Variants in SARNP observed in about 807,000 individuals in gnomAD.
SARNP encodes the protein SAP domain-containing ribonucleoprotein.
Under a neutral mutation model 38.1 loss-of-function variants are expected in SARNP, and 5 were observed. The ratio of observed to expected loss-of-function variants is 0.13; its 90% CI spans 0.07 to 0.28. SARNP has a LOEUF of 0.28. Among genes scored for constraint, SARNP ranks in the 10% least tolerant of loss-of-function variants. The probability of loss-of-function intolerance (pLI) is 1.00; values close to 1 mark genes in which losing one functional copy is unlikely to be tolerated. For missense variants in SARNP, 180 were observed against 243.9 expected (o/e 0.74, Z 1.75); for synonymous variants, 84 against 80.6 (o/e 1.04, Z -0.23).
At chr12:55,780,174 C>T (rs888023795) in intron 9 of SARNP, among the ~76,000 whole-genome samples, 6 of 151,280 alleles carry the variant, frequency 4.0e-5, no homozygotes, top group South Asian at 2.1e-4. Flanking sequence ...TAAATAAGGC[C>T]GGGCACAGTG....
intron 9 of SARNP, chr12:55,760,875 AG>A: frequency 2.3e-6 from 1 of 437,350 alleles, no homozygotes; most frequent in Non-Finnish European, 4.0e-6. Flanking sequence ...TAAGACAAGT[AG>A]GGTAAAGAAA....
Position 55,801,826 on chromosome 12 carries a change from C to G in SARNP, c.137-926G>C, listed in dbSNP as rs144857619. Among the ~76,000 whole-genome samples, 543 of 152,214 alleles carry G rather than the reference C, an allele frequency of 3.6e-3. 5 individuals carry two copies. Among genetic ancestry groups the G allele is most frequent in the African/African-American group, 0.013 (525 of 41,532 alleles). On this transcript the variant is annotated intron_variant, in intron 2 of 10. Coordinates refer to ENST00000336133, the MANE Select transcript of SARNP (RefSeq NM_033082.4). ...AGAGATGGGATCTCACTATGCTGCC[C>G]AGACTGGTCTCAAACTCCGGGCCTC...
intron 9 of SARNP, among the ~76,000 whole-genome samples, chr12:55,782,098 A>C (rs1170168042): frequency 6.6e-6 from 1 of 152,200 alleles, no homozygotes; most frequent in South Asian, 2.1e-4. Context: ...AGTATCCTTC[A>C]AGGTTTACTG....
chr12:55,770,394 G>GTTT (rs1157595075), intron 9 of SARNP, among the ~76,000 whole-genome samples: 3 of 133,304 alleles, frequency 2.3e-5, no homozygotes, highest in African/African-American at 8.3e-5. Context: ...GCCCAGCTAG[G>GTTT]TTTTTTTTTT....
chr12:55,810,238 G>A (rs1592583741), intron 1 of SARNP, among the ~76,000 whole-genome samples: 2 of 151,862 alleles, frequency 1.3e-5, no homozygotes, highest in Non-Finnish European at 1.5e-5. Flanking sequence ...TCAGCCTCCT[G>A]TATAGCTGGG....
intron 9 of SARNP, among the ~76,000 whole-genome samples, chr12:55,774,565 AAAAAAAAAACAAACAAAAAAAAAAAAAC>A (rs1879109530): frequency 1.1e-5 from 1 of 89,122 alleles, no homozygotes; most frequent in African/African-American, 5.8e-5. Context: ...TACTGAAAAA[AAAAAAAAAACAAACAAAAAAAAAAAAAC>A]AAAAATTAGC....
At chr12:55,787,769 G>C (rs556576311) in intron 9 of SARNP, among the ~76,000 whole-genome samples, 1 of 146,058 alleles carries the variant, frequency 6.8e-6, no homozygotes, top group Non-Finnish European at 1.5e-5. Context: ...TTTTTCTTGA[G>C]ACGGAGTCTC....
intron 9 of SARNP, among the ~76,000 whole-genome samples, chr12:55,772,267 C>G (rs1879030112): frequency 6.6e-6 from 1 of 152,160 alleles, no homozygotes. Context: ...TCTCAATAAT[C>G]TCTTTCAAGT....
chr12:55,780,331 G>A (rs1466104109), intron 9 of SARNP, among the ~76,000 whole-genome samples: 2 of 151,990 alleles, frequency 1.3e-5, no homozygotes, highest in African/African-American at 2.4e-5. Context: ...GCACATGCCC[G>A]TAATCCCAGC....
chr12:55,798,532 T>C (rs1358223892), intron 4 of SARNP, among the ~76,000 whole-genome samples: 1 of 152,066 alleles, frequency 6.6e-6, no homozygotes, highest in Non-Finnish European at 1.5e-5. Flanking sequence ...TTGACAAAAA[T>C]CTATCAAGAT....
chr12:55,761,619 G>C (rs1878677725), intron 9 of SARNP: 1 of 152,158 alleles, frequency 6.6e-6, no homozygotes, highest in Admixed American at 6.5e-5. Context: ...CATTATTCTA[G>C]GTGTTTTGTA....
rs530188213 is a variant in SARNP at position 55,798,795 on chromosome 12, A to G, written c.251+1767T>C. 1.1e-4 allele frequency among the ~76,000 whole-genome samples: 17 copies of G among 152,340 alleles called. No homozygotes were observed. The South Asian group carries it at 1.7e-3, about 15-fold the overall frequency. On this transcript the variant is annotated intron_variant, in intron 4 of 10. Coordinates refer to ENST00000336133, the MANE Select transcript of SARNP (RefSeq NM_033082.4). ...TAAATCTGGGTGATAGGTAGATGAG[A>G]GTCTATTACACTAGTCGAACTTTTG...
At chr12:55,768,199 C>T (rs1416160168) in intron 9 of SARNP, among the ~76,000 whole-genome samples, 1 of 152,170 alleles carries the variant, frequency 6.6e-6, no homozygotes, top group Non-Finnish European at 1.5e-5. Flanking sequence ...GACATCGGCT[C>T]ACTGCAACCT....
In SARNP at chr12:55,803,345, A is replaced by G. The variant is rs181928545; in HGVS notation, c.136+284T>C. Reference sequence around the variant, plus strand: ...CTAAAAATACAAAAATCAGCCAGGCATGGTGGTGCTCGCCTGTAGTCCCAG... The same window carrying G: ...CTAAAAATACAAAAATCAGCCAGGCGTGGTGGTGCTCGCCTGTAGTCCCAG... On this transcript the variant is annotated intron_variant, in intron 2 of 10. Coordinates refer to ENST00000336133, the MANE Select transcript of SARNP (RefSeq NM_033082.4). Among the ~76,000 whole-genome samples, 661 of 152,042 alleles carry G rather than the reference A, an allele frequency of 4.3e-3. 9 individuals are homozygous for G. Among genetic ancestry groups the G allele is most frequent in the African/African-American group, 0.011 (459 of 41,472 alleles).
chr12:55,811,280 G>A (rs1346298723), intron 1 of SARNP, among the ~76,000 whole-genome samples: 1 of 152,130 alleles, frequency 6.6e-6, no homozygotes, highest in Admixed American at 6.5e-5. Context: ...AGCTTGGCCA[G>A]GTGTGGTGGC....
At chr12:55,803,581 C>G in intron 2 of SARNP, 48 bp downstream of exon 2, 1 of 1,147,824 alleles carries the variant, frequency 8.7e-7, no homozygotes. Context: ...AGTGTCAAAG[C>G]CTGAAAATCC....
At chr12:55,777,723 C>T (rs1879223979) in intron 9 of SARNP, among the ~76,000 whole-genome samples, 1 of 152,078 alleles carries the variant, frequency 6.6e-6, no homozygotes, top group Admixed American at 6.6e-5. Flanking sequence ...GTCTCTTGTC[C>T]AATTTTTTCC....
In SARNP at chr12:55,789,155, T is replaced by C. The variant is rs201725713; in HGVS notation, c.433-12A>G. On this transcript the variant is annotated splice_polypyrimidine_tract_variant and intron_variant, in intron 8 of 10. Coordinates refer to ENST00000336133, the MANE Select transcript of SARNP (RefSeq NM_033082.4). ...TTATCCAAGTTAACCTATAAAAACA[T>C]AGGGGAAAGAACATAGTTTTAAAAA... 3.0e-5 allele frequency: 47 copies of C among 1,566,434 alleles called. No individual in the cohort carries two copies. In the East Asian group the frequency reaches 9.5e-4, roughly 32 times the overall value.
chr12:55,776,475 C>G (rs560781046), intron 9 of SARNP, among the ~76,000 whole-genome samples: 1 of 152,308 alleles, frequency 6.6e-6, no homozygotes, highest in East Asian at 1.9e-4. Flanking sequence ...AAACTATGCT[C>G]ATCCGCCTAC....
Sources: gnomAD v4.1 joint callset for allele counts (sites outside exome capture counted in the v4.1 genomes callset) on GRCh38, gnomAD v4.1.1 for gene constraint, MANE v1.5 for transcripts, NCBI Gene and HGNC (gene_info 2026-07-23, HGNC 2026-07-21) for gene names.